Variants in MAP4K3 observed in about 807,000 individuals in gnomAD.
MAP4K3 encodes mitogen-activated protein kinase kinase kinase kinase 3, also known as MAPK/ERK kinase kinase kinase 3.
MAP4K3 carries 94 observed loss-of-function variants against 143.5 expected under a neutral mutation model. The observed-to-expected ratio is 0.65, with a 90% CI of 0.55 to 0.78. The LOEUF (loss-of-function observed/expected upper bound fraction) is 0.78, where lower values mean the gene tolerates loss of function less well. MAP4K3 is among the 30% of genes least tolerant of loss of function. MAP4K3 has a pLI of 0.00. For missense variants in MAP4K3, 1,077 were observed against 1,068.1 expected (o/e 1.01, Z -0.12); for synonymous variants, 416 against 347.2 (o/e 1.20, Z -2.20).
At chr2:39,255,482 A>G (rs1210390622) in intron 31 of MAP4K3, among the ~76,000 whole-genome samples, 6 of 152,206 alleles carry the variant, frequency 3.9e-5, no homozygotes, top group Non-Finnish European at 8.8e-5. Context: ...CCACTAATAC[A>G]TAATGCCACG....
chr2:39,308,530 A>T (rs1682801119), intron 14 of MAP4K3, among the ~76,000 whole-genome samples: 1 of 152,182 alleles, frequency 6.6e-6, no homozygotes, highest in Non-Finnish European at 1.5e-5. Flanking sequence ...AATCCTTAGT[A>T]CTTATTAACA....
At chr2:39,375,554 G>A (rs1666195620) in intron 2 of MAP4K3, among the ~76,000 whole-genome samples, 3 of 152,282 alleles carry the variant, frequency 2.0e-5, no homozygotes, top group East Asian at 1.9e-4. Flanking sequence ...TTTGCTAAGC[G>A]TAGGTCTTAT....
chr2:39,321,541 G>C (rs537318266), intron 12 of MAP4K3, among the ~76,000 whole-genome samples: 1 of 152,234 alleles, frequency 6.6e-6, no homozygotes, highest in Non-Finnish European at 1.5e-5. Context: ...GGCCTCGTGG[G>C]AAGGGGAAGA....
At chr2:39,266,791 G>C (rs1680784467) in intron 27 of MAP4K3, among the ~76,000 whole-genome samples, 1 of 151,858 alleles carries the variant, frequency 6.6e-6, no homozygotes, top group Non-Finnish European at 1.5e-5. Context: ...GTGAGAGGAA[G>C]GTGAACATAA....
rs1264858065 is a variant in MAP4K3, at chr2:39,437,182, C to T, written c.-195G>A. On this transcript the variant is annotated 5_prime_UTR_variant, in exon 1 of 34. Coordinates refer to ENST00000263881, the MANE Select transcript of MAP4K3 (RefSeq NM_003618.4). ...CGGACGACGACAAGCGGCCAATCGT[C>T]CCCGCCCCCCGCGGCCCGCCGCCGC... 8.4e-6 allele frequency: 3 copies of T among 358,660 alleles called. No individual in the cohort carries two copies. The highest frequency in any genetic ancestry group is 9.7e-5 in the Admixed American group (2 of 20,578). The allele number at this position is 358,660 out of a possible 1,614,324, so 22.2% of individuals were successfully genotyped here.
Position 39,274,945 on chromosome 2 carries a change from G to A in MAP4K3, c.1795-2403C>T, listed in dbSNP as rs77708033. 1.7e-3 allele frequency among the ~76,000 whole-genome samples: 259 copies of A among 152,220 alleles called. 6 individuals carry two copies. In the East Asian group the frequency reaches 0.024, roughly 14 times the overall value. On this transcript the variant is annotated intron_variant, in intron 24 of 33. Coordinates refer to ENST00000263881, the MANE Select transcript of MAP4K3 (RefSeq NM_003618.4). ...ATCTTCCCCTATTTAGTAGGCTCAC[G>A]CCACCCTGTTTCCTATAAAGTCTAG...
At chr2:39,265,423 G>A in intron 27 of MAP4K3, 117 bp from the exon 28 acceptor site, 1 of 751,522 alleles carries the variant, frequency 1.3e-6, no homozygotes, top group Non-Finnish European at 2.3e-6. Flanking sequence ...AAAATCAAAA[G>A]CTGGTTGCCA....
At chr2:39,357,682 G>A (rs1665649392) in intron 2 of MAP4K3, among the ~76,000 whole-genome samples, 2 of 152,130 alleles carry the variant, frequency 1.3e-5, no homozygotes, top group African/African-American at 2.4e-5. Flanking sequence ...ATTGAACTAT[G>A]ATCTTATCAA....
rs72931114 is a variant in MAP4K3 at position 39,410,774 on chromosome 2, T to C, written c.96+26118A>G. On this transcript the variant is annotated intron_variant, in intron 1 of 33. Transcript: ENST00000263881. ...CTCTTCAAAAATGTAATTTTCACTA[T>C]AGCAATTAAACCAAAATGCACAGAA... is the stretch of plus-strand genomic sequence containing the variant. Among the ~76,000 whole-genome samples the C allele has an allele frequency of 6.3e-3, 956 of 152,290 alleles. 9 individuals carry two copies. The highest frequency in any genetic ancestry group is 0.022 in the African/African-American group (897 of 41,568).
chr2:39,273,520 T>C (rs1488482885), intron 24 of MAP4K3, among the ~76,000 whole-genome samples: 1 of 98,196 alleles, frequency 1.0e-5, no homozygotes, highest in Non-Finnish European at 2.6e-5. Context: ...GATGAGAGAA[T>C]GGAATAGAGA....
chr2:39,381,657 T>C (rs765521775), intron 1 of MAP4K3, among the ~76,000 whole-genome samples: 1 of 152,222 alleles, frequency 6.6e-6, no homozygotes, highest in Non-Finnish European at 1.5e-5. Flanking sequence ...ATTTTTATAC[T>C]GTGTCAGATA....
At chr2:39,355,696 C>T (rs957676851) in intron 3 of MAP4K3, among the ~76,000 whole-genome samples, 3 of 152,116 alleles carry the variant, frequency 2.0e-5, no homozygotes, top group African/African-American at 4.8e-5. Context: ...GCAATATAAC[C>T]TAAGAACCTG....
intron 7 of MAP4K3, among the ~76,000 whole-genome samples, chr2:39,332,686 G>A (rs888778771): frequency 2.6e-5 from 4 of 151,920 alleles, no homozygotes; most frequent in African/African-American, 9.7e-5. Context: ...GATAAAAACT[G>A]TTCACTAAGC....
At chr2:39,397,427 T>C (rs1558686839) in intron 1 of MAP4K3, among the ~76,000 whole-genome samples, 1 of 152,134 alleles carries the variant, frequency 6.6e-6, no homozygotes, top group Non-Finnish European at 1.5e-5. Flanking sequence ...TAATCACAAA[T>C]GTGCAAACTT....
chr2:39,387,463 A>G (rs1666535646), intron 1 of MAP4K3, among the ~76,000 whole-genome samples: 1 of 152,164 alleles, frequency 6.6e-6, no homozygotes, highest in South Asian at 2.1e-4. Flanking sequence ...TTCAATTTTG[A>G]TTTTAAAAGT....
At chr2:39,284,158 T>C (rs1681662508) in intron 21 of MAP4K3, among the ~76,000 whole-genome samples, 1 of 152,104 alleles carries the variant, frequency 6.6e-6, no homozygotes, top group Admixed American at 6.5e-5. Flanking sequence ...CATCTTTTTT[T>C]GTTGTTGTTT....
chr2:39,414,085 TG>T (rs1199340444), intron 1 of MAP4K3, among the ~76,000 whole-genome samples: 1 of 152,192 alleles, frequency 6.6e-6, no homozygotes, highest in African/African-American at 2.4e-5. Context: ...TAGTTAAACT[TG>T]ATTTTGTTCC....
At chr2:39,288,006 G>T (rs1286841140) in intron 20 of MAP4K3, 115 bp downstream of exon 20, 1 of 1,291,872 alleles carries the variant, frequency 7.7e-7, no homozygotes, top group Admixed American at 2.1e-5. Flanking sequence ...CATAGCCACT[G>T]CTTTCCTTCT....
intron 2 of MAP4K3, among the ~76,000 whole-genome samples, chr2:39,364,541 C>T (rs973023085): frequency 1.3e-5 from 2 of 152,150 alleles, no homozygotes; most frequent in African/African-American, 4.8e-5. Flanking sequence ...GTTGGTTTTA[C>T]ACATTTTAAG....
Sources: gnomAD v4.1 joint callset for allele counts (sites outside exome capture counted in the v4.1 genomes callset) on GRCh38, gnomAD v4.1.1 for gene constraint, MANE v1.5 for transcripts, NCBI Gene and HGNC (gene_info 2026-07-23, HGNC 2026-07-21) for gene names.